ELFN1: variants seen among roughly 807,000 people sequenced by gnomAD.
The protein encoded by ELFN1 is extracellular leucine rich repeat and fibronectin type III domain containing 1.
In ELFN1, 6 loss-of-function variants were observed where a neutral mutation model predicts 7.6. The ratio of observed to expected loss-of-function variants is 0.79; its 90% CI spans 0.43 to 1.56. The LOEUF (loss-of-function observed/expected upper bound fraction) is 1.56. ELFN1 is among the 40% of genes most tolerant of loss of function. The probability of loss-of-function intolerance (pLI) is 0.01; values close to 1 mark genes in which losing one functional copy is unlikely to be tolerated. For synonymous variants in ELFN1, 657 were observed against 588.1 expected (o/e 1.12, Z -1.70); for missense variants, 1,169 against 1,232.2 (o/e 0.95, Z 0.77).
intron 3 of ELFN1, among the ~76,000 whole-genome samples, chr7:1,743,983 C>T (rs1056251931): frequency 9.9e-5 from 15 of 152,190 alleles, no homozygotes; most frequent in African/African-American, 3.6e-4. Flanking sequence ...CGATTCTGGG[C>T]TGTCAGTACC....
At chr7:1,685,580 C>T (rs1157241114) in intron 1 of ELFN1, among the ~76,000 whole-genome samples, 1 of 151,934 alleles carries the variant, frequency 6.6e-6, no homozygotes, top group Non-Finnish European at 1.5e-5. Context: ...TGCCATCTTG[C>T]AAGCCCTCAT....
intron 2 of ELFN1, among the ~76,000 whole-genome samples, chr7:1,699,040 T>TTA (rs1019331372): frequency 1.7e-4 from 26 of 152,330 alleles, no homozygotes; most frequent in Admixed American, 2.0e-4. Context: ...GAAGCATCCA[T>TTA]TATATACACA....
intron 1 of ELFN1, among the ~76,000 whole-genome samples, chr7:1,672,461 G>A (rs1423851360): frequency 2.0e-5 from 3 of 152,082 alleles, no homozygotes; most frequent in Non-Finnish European, 4.4e-5. Flanking sequence ...CTCGGACCCC[G>A]GCATTTGAAT....
chr7:1,730,019 C>T lies in ELFN1; in HGVS notation c.-293-14285C>T, dbSNP rs190438667. ...CACCCTCCAAGGCCCTCGGCAGCCC[C>T]ACCCGGGGACCAGCCCCTCCCAGAT... On this transcript the variant is annotated intron_variant, in intron 3 of 3. Transcript: ENST00000424383. Among the ~76,000 whole-genome samples the T allele has an allele frequency of 8.5e-3, 1,297 of 152,354 alleles. 8 individuals carry two copies. The highest frequency in any genetic ancestry group is 0.011 in the Non-Finnish European group (751 of 68,034).
chr7:1,696,181 T>A (rs1779304509), intron 2 of ELFN1, among the ~76,000 whole-genome samples: 1 of 151,266 alleles, frequency 6.6e-6, no homozygotes, highest in Non-Finnish European at 1.5e-5. Context: ...AGAGAGTGTG[T>A]GTGTGTGTGT....
At chr7:1,679,909 C>T (rs1442954439) in intron 1 of ELFN1, among the ~76,000 whole-genome samples, 1 of 152,246 alleles carries the variant, frequency 6.6e-6, no homozygotes. Flanking sequence ...GCACCCAGAT[C>T]ACCATCCTCG....
In ELFN1 at chr7:1,701,078, CGT is replaced by C. The variant is rs138718131; in HGVS notation, c.-455-8003_-455-8002del. Among the ~76,000 whole-genome samples, 986 of 151,328 alleles carry C rather than the reference CGT, an allele frequency of 6.5e-3. 9 individuals are homozygous for C. Among genetic ancestry groups the C allele is most frequent in the African/African-American group, 0.021 (862 of 41,206 alleles). On this transcript the variant is annotated intron_variant, in intron 2 of 3. Transcript: ENST00000424383. ...ATGTATGTATGCGTGTGTATGTGTG[CGT>C]GTGTGTGTGCGCGTGTGTGTGCGCA...
At chr7:1,732,845 C>T (rs1482666560) in intron 3 of ELFN1, among the ~76,000 whole-genome samples, 1 of 152,180 alleles carries the variant, frequency 6.6e-6, no homozygotes, top group African/African-American at 2.4e-5. Context: ...GGGGACGGCG[C>T]TGAACAAGCT....
Position 1,746,319 on chromosome 7 carries a change from G to A in ELFN1, c.1723G>A (p.Ala575Thr), listed in dbSNP as rs774563944. ...VNQIINNCID[A>T]LKSESTSFQG... Reference sequence around the variant, plus strand: ...CCAGATCATCAACAACTGCATCGACGCGCTCAAGTCCGAGTCCACCTCCTT... The same window carrying A: ...CCAGATCATCAACAACTGCATCGACACGCTCAAGTCCGAGTCCACCTCCTT... Residue 575 changes from alanine (A) to threonine (T), a missense_variant, in exon 4 of 4, where the codon GCG (alanine) becomes ACG (threonine). Transcript: ENST00000424383. 5 of 1,570,484 alleles carry A rather than the reference G, an allele frequency of 3.2e-6. No homozygotes were observed. The highest frequency in any genetic ancestry group is 4.3e-6 in the Non-Finnish European group (5 of 1,159,088).
intron 3 of ELFN1, among the ~76,000 whole-genome samples, chr7:1,711,790 C>CGTCCCCA (rs1450353900): frequency 4.3e-4 from 65 of 152,308 alleles, no homozygotes; most frequent in African/African-American, 1.4e-3. Flanking sequence ...AATGTGAGGG[C>CGTCCCCA]GTCCCCACAG....
intron 3 of ELFN1, among the ~76,000 whole-genome samples, chr7:1,732,905 C>A (rs761397012): frequency 2.0e-5 from 3 of 151,990 alleles, no homozygotes; most frequent in Non-Finnish European, 2.9e-5. Context: ...TTTTTCTTTT[C>A]TTTTTTCTTT....
At chr7:1,710,038 C>T (rs1054225619) in intron 3 of ELFN1, among the ~76,000 whole-genome samples, 8 of 152,292 alleles carry the variant, frequency 5.3e-5, no homozygotes, top group East Asian at 1.9e-4. Flanking sequence ...TAATAGAGCT[C>T]GGTTGTAATA....
At chr7:1,716,722 G>C (rs1012875464) in intron 3 of ELFN1, among the ~76,000 whole-genome samples, 20 of 152,202 alleles carry the variant, frequency 1.3e-4, no homozygotes, top group Non-Finnish European at 2.5e-4. Flanking sequence ...GACTGCAGCC[G>C]CACTCCCCCA....
intron 1 of ELFN1, among the ~76,000 whole-genome samples, chr7:1,683,837 A>G (rs1779015892): frequency 1.3e-5 from 2 of 152,162 alleles, no homozygotes; most frequent in African/African-American, 4.8e-5. Context: ...CTTAAAGTCT[A>G]TTTTATCTGA....
At chr7:1,718,715 G>A (rs993871505) in intron 3 of ELFN1, among the ~76,000 whole-genome samples, 4 of 152,050 alleles carry the variant, frequency 2.6e-5, no homozygotes, top group African/African-American at 9.7e-5. Flanking sequence ...TGAGGTCCTC[G>A]GTCACACTCA....
intron 2 of ELFN1, among the ~76,000 whole-genome samples, chr7:1,690,297 G>A (rs1779133505): frequency 6.6e-6 from 1 of 151,746 alleles, no homozygotes; most frequent in Non-Finnish European, 1.5e-5. Context: ...GTGGATGGGT[G>A]GATGGGTGGA....
chr7:1,714,047 T>G (rs1779751543), intron 3 of ELFN1, among the ~76,000 whole-genome samples: 1 of 152,234 alleles, frequency 6.6e-6, no homozygotes, highest in Admixed American at 6.5e-5. Context: ...GTCCCCGCAT[T>G]TGAAGTCATG....
In ELFN1 at chr7:1,747,038, C is replaced by T; in HGVS notation, c.2442C>T (p.Asp814=). ...TCGCCAAAGACGAGGATCTGCACGA[C>T]ATCCTGGACTACTGGAAGGGCGTGT... ...VQFAKDEDLH[D]ILDYWKGVSA... is the part of the protein sequence containing the mutation. Residue 814 remains aspartate (D), a synonymous_variant, in exon 4 of 4, where the codon GAC becomes GAT. Coordinates refer to ENST00000424383, the MANE Select transcript of ELFN1 (RefSeq NM_001128636.4). 3.2e-6 allele frequency: 5 copies of T among 1,545,598 alleles called. No homozygotes were observed. Among genetic ancestry groups the T allele is most frequent in the Non-Finnish European group, 3.5e-6 (4 of 1,142,876 alleles).
At chr7:1,718,665 C>T (rs1779908851) in intron 3 of ELFN1, among the ~76,000 whole-genome samples, 1 of 152,122 alleles carries the variant, frequency 6.6e-6, no homozygotes, top group South Asian at 2.1e-4. Context: ...GCGGTCACCC[C>T]ACCTGGAGAC....
Sources: allele counts gnomAD v4.1 joint callset (sites outside exome capture counted in the v4.1 genomes callset), GRCh38; gene constraint gnomAD v4.1.1; transcripts MANE v1.5; gene names NCBI Gene and HGNC (gene_info 2026-07-23, HGNC 2026-07-21).